The following KIAA1671 variants were observed in gnomAD, a reference collection of about 807,000 sequenced individuals.
The protein encoded by KIAA1671 is KIAA1671.
KIAA1671 carries 52 observed loss-of-function variants against 131.2 expected under a neutral mutation model. That is an observed-to-expected ratio of 0.40 (90% CI 0.32 to 0.50). The LOEUF is 0.50. Ranked by LOEUF, KIAA1671 falls within the 20% of genes least tolerant of loss-of-function variation. The probability of loss-of-function intolerance (pLI) is 0.73; values close to 1 mark genes in which losing one functional copy is unlikely to be tolerated. For missense variants in KIAA1671, 2,360 were observed against 2,364.2 expected, an observed-to-expected ratio of 1.00 and a Z score of 0.04; for synonymous variants, 1,003 against 961.6, an observed-to-expected ratio of 1.04 and a Z score of -0.80.
chr22:25,076,022 C>T (rs899907821), intron 6 of KIAA1671, among the ~76,000 whole-genome samples: 3 of 148,830 alleles, frequency 2.0e-5, no homozygotes, highest in East Asian at 4.0e-4. Context: ...GTGATCCACC[C>T]GCCTTGGCCT....
At chr22:25,184,924 G>T (rs1403345625) in intron 10 of KIAA1671, 53 bp from the exon 11 acceptor site, 6 of 1,547,134 alleles carry the variant, frequency 3.9e-6, no homozygotes, top group African/African-American at 1.4e-5. Flanking sequence ...ATGGGAGGGG[G>T]CCCTTCCCCA....
chr22:25,021,890 C>T (rs1925691822), intron 1 of KIAA1671, among the ~76,000 whole-genome samples: 1 of 152,020 alleles, frequency 6.6e-6, no homozygotes, highest in African/African-American at 2.4e-5. Context: ...GGGTTCACGC[C>T]ATTCTCCTGC....
chr22:25,117,744 A>G (rs565381732), intron 6 of KIAA1671, among the ~76,000 whole-genome samples: 2 of 152,096 alleles, frequency 1.3e-5, no homozygotes, highest in South Asian at 2.1e-4. Context: ...CTCTCTCCCT[A>G]CTGGGGTCCT....
intron 1 of KIAA1671, chr22:25,012,512 A>G (rs1925093718): frequency 6.6e-6 from 1 of 152,044 alleles, no homozygotes; most frequent in South Asian, 2.1e-4. Context: ...ACCTCAGGTA[A>G]TCCACCTGCC....
intron 3 of KIAA1671, among the ~76,000 whole-genome samples, chr22:25,029,749 G>A (rs1363578684): frequency 6.6e-6 from 1 of 152,224 alleles, no homozygotes; most frequent in African/African-American, 2.4e-5. Context: ...CAGCCGGGGG[G>A]CCCGGAGCCC....
At chr22:25,150,873 C>T (rs1471444387) in intron 6 of KIAA1671, among the ~76,000 whole-genome samples, 1 of 144,092 alleles carries the variant, frequency 6.9e-6, no homozygotes, top group Non-Finnish European at 1.5e-5. Flanking sequence ...CACTCCATCG[C>T]CCAGGCTGGA....
intron 7 of KIAA1671, among the ~76,000 whole-genome samples, chr22:25,171,154 C>T (rs1568990809): frequency 6.6e-6 from 1 of 152,164 alleles, no homozygotes; most frequent in Non-Finnish European, 1.5e-5. Context: ...AATCCCAGCA[C>T]TTTGGGAGGC....
At chr22:25,081,562 C>A (rs554631699) in intron 6 of KIAA1671, among the ~76,000 whole-genome samples, 1 of 151,702 alleles carries the variant, frequency 6.6e-6, no homozygotes, top group Non-Finnish European at 1.5e-5. Context: ...AATGACTTCT[C>A]GATTGAGGCA....
At position 25,028,136 on chromosome 22, in the gene KIAA1671, G is replaced by A. The variant is rs1315625221; in HGVS notation, c.137G>A (p.Arg46Gln). The change falls in exon 3 of 13, where the codon CGG (arginine) becomes CAG (glutamine). Residue 46 changes from arginine (R) to glutamine (Q), a missense_variant. Physicochemically the swap from Arg to Gln is conservative, Grantham distance 43. Around this residue, in one of 3 missense-constraint regions of KIAA1671, gnomAD observed 1,185 missense variants for 1,126.2 expected, o/e 1.05. Transcript: ENST00000358431. ...AGEASGAPPA[R>Q]ILEAKSPLRS... is the part of the protein sequence containing the mutation. ...GAAGCCTCTGGGGCTCCCCCAGCCC[G>A]GATCTTGGAAGCGAAGAGCCCCCTG... 9.7e-6 allele frequency: 15 copies of A among 1,551,020 alleles called. No homozygotes were observed. Among genetic ancestry groups the A allele is most frequent in the African/African-American group, 6.8e-5 (5 of 73,036 alleles).
intron 1 of KIAA1671, among the ~76,000 whole-genome samples, chr22:24,998,635 A>G (rs1924266451): frequency 2.0e-5 from 3 of 149,662 alleles, no homozygotes; most frequent in East Asian, 2.0e-4. Context: ...GGAGAATGGC[A>G]TGAACCCAGG....
chr22:25,107,697 T>G (rs115804169), intron 6 of KIAA1671, among the ~76,000 whole-genome samples: 38 of 151,786 alleles, frequency 2.5e-4, no homozygotes, highest in East Asian at 5.9e-4. Context: ...ACTCCATTTT[T>G]TGTGTGTGTG....
rs147080887 is a variant in KIAA1671 at position 25,115,350 on chromosome 22, C to T, written c.4531-55470C>T. Among the ~76,000 whole-genome samples, 9 of 152,230 alleles carry T rather than the reference C, an allele frequency of 5.9e-5. No homozygotes were observed. The East Asian group carries it at 1.5e-3, about 26-fold the overall frequency. The stretch of plus-strand genomic sequence containing the variant: ...GTCTCTGAGGCCATGGGGTGCCGCA[C>T]CAAGGAGGGCTTTGGAGTCAGACAG... On this transcript the variant is annotated intron_variant, in intron 6 of 12. Transcript: ENST00000358431.
chr22:25,002,373 G>T (rs998954374), intron 1 of KIAA1671, among the ~76,000 whole-genome samples: 1 of 152,150 alleles, frequency 6.6e-6, no homozygotes, highest in Non-Finnish European at 1.5e-5. Context: ...AGTGGAAAGT[G>T]AGACAGGGAA....
At chr22:25,114,291 T>C (rs935784246) in intron 6 of KIAA1671, among the ~76,000 whole-genome samples, 3 of 152,196 alleles carry the variant, frequency 2.0e-5, no homozygotes, top group Non-Finnish European at 4.4e-5. Flanking sequence ...TTCTTAAGCC[T>C]CAGTTTCTTC....
intron 6 of KIAA1671, chr22:25,063,390 G>T (rs999077617): frequency 3.3e-5 from 5 of 152,138 alleles, no homozygotes; most frequent in Non-Finnish European, 5.9e-5. Context: ...AAAAAAGGAA[G>T]GGAATAATGT....
intron 6 of KIAA1671, among the ~76,000 whole-genome samples, chr22:25,078,695 G>A (rs1022000001): frequency 1.3e-5 from 2 of 152,170 alleles, no homozygotes; most frequent in Non-Finnish European, 2.9e-5. Context: ...GATCATAGTG[G>A]CTTCAGTTTG....
In KIAA1671 at chr22:25,197,280, T is replaced by G. The variant is rs986817677; in HGVS notation, c.*4879T>G. The G allele has an allele frequency of 1.3e-5, 2 of 152,226 alleles. No homozygotes were observed. Among genetic ancestry groups the G allele is most frequent in the African/African-American group, 4.8e-5 (2 of 41,462 alleles). 9.4% of individuals were successfully genotyped at this position (152,226 alleles called of 1,614,324 possible). ...CAGACCTCACAGAGTATTGGACGTCTACAAGTGCTTTTATATTTTGTAACT... is the reference window on the plus strand; with the variant it reads ...CAGACCTCACAGAGTATTGGACGTCGACAAGTGCTTTTATATTTTGTAACT... On this transcript the variant is annotated 3_prime_UTR_variant, in exon 13 of 13. Transcript: ENST00000358431.
At position 24,972,984 on chromosome 22, in the gene KIAA1671, G is replaced by A. The variant is rs1011438840; in HGVS notation, c.-208+20212G>A. Among the ~76,000 whole-genome samples, 9 of 152,184 alleles carry A rather than the reference G, an allele frequency of 5.9e-5. No individual in the cohort carries two copies. In the East Asian group the frequency reaches 1.7e-3, roughly 29 times the overall value. On this transcript the variant is annotated intron_variant, in intron 1 of 12. Coordinates refer to ENST00000358431, the MANE Select transcript of KIAA1671 (RefSeq NM_001145206.2). ...TGCTGAGACCTGAAGGAGACAAAGG[G>A]GCCATCTGAAGAGCCCACGGGGAGA...
chr22:25,181,048 A>G (rs4822565), intron 9 of KIAA1671, among the ~76,000 whole-genome samples: 49,372 of 152,036 alleles, frequency 0.32, 8,417 homozygotes, highest in East Asian at 0.48. Flanking sequence ...AGGGCTCCAG[A>G]GCACCAGGTC....
Sources: allele counts gnomAD v4.1 joint callset (sites outside exome capture counted in the v4.1 genomes callset), GRCh38; gene constraint gnomAD v4.1.1; regional missense constraint gnomAD v4.1.1; transcripts MANE v1.5; gene names NCBI Gene and HGNC (gene_info 2026-07-23, HGNC 2026-07-21).